Variants in KLF7 observed in about 807,000 individuals in gnomAD.
KLF7 encodes the protein Krueppel-like factor 7.
A neutral mutation model predicts 27.3 loss-of-function variants in KLF7; 2 were observed. The observed-to-expected ratio is 0.07, with a 90% CI of 0.03 to 0.23. The LOEUF (loss-of-function observed/expected upper bound fraction) is 0.23, where lower values mean the gene tolerates loss of function less well. Among genes scored for constraint, KLF7 ranks in the 10% least tolerant of loss-of-function variants. The pLI is 1.00. For synonymous variants in KLF7, 165 were observed against 162.4 expected (o/e 1.02, Z -0.12); for missense variants, 221 against 394.1 (o/e 0.56, Z 3.72).
At chr2:207,152,098 C>T (rs752442577) in intron 1 of KLF7, among the ~76,000 whole-genome samples, 1 of 152,128 alleles carries the variant, frequency 6.6e-6, no homozygotes, top group Non-Finnish European at 1.5e-5. Flanking sequence ...CAGGAAAGTA[C>T]TTTATTATAA....
At chr2:207,134,656 T>TGCCAA (rs2077735824) in intron 1 of KLF7, among the ~76,000 whole-genome samples, 1 of 152,160 alleles carries the variant, frequency 6.6e-6, no homozygotes, top group African/African-American at 2.4e-5. Flanking sequence ...TGTGTGGGTG[T>TGCCAA]GCCAAGTGCC....
At chr2:207,092,356 C>T (rs2076531424) in intron 2 of KLF7, among the ~76,000 whole-genome samples, 2 of 152,232 alleles carry the variant, frequency 1.3e-5, no homozygotes, top group African/African-American at 2.4e-5. Flanking sequence ...GCTGTGCCCC[C>T]ACAGCTCACA....
upstream of KLF7, among the ~76,000 whole-genome samples, chr2:207,168,282 T>A (rs914887849): frequency 6.6e-6 from 1 of 152,246 alleles, no homozygotes; most frequent in Non-Finnish European, 1.5e-5. Flanking sequence ...TTGAAGATTT[T>A]ACAAATAATA....
chr2:207,165,997 T>TC (rs1254818233), upstream of KLF7: 1 of 990,546 alleles, frequency 1.0e-6, no homozygotes. Context: ...TGCATTTTTT[T>TC]CTCTCGCGAT....
At chr2:207,104,590 A>G (rs2076838808) in intron 2 of KLF7, among the ~76,000 whole-genome samples, 1 of 152,200 alleles carries the variant, frequency 6.6e-6, no homozygotes. Context: ...AATTCTCTCA[A>G]TAGCCCTAAT....
intron 1 of KLF7, among the ~76,000 whole-genome samples, chr2:207,145,397 C>T (rs1489613089): frequency 6.6e-6 from 1 of 152,126 alleles, no homozygotes; most frequent in African/African-American, 2.4e-5. Context: ...AATATACCTA[C>T]TATATAAAGT....
chr2:207,082,787 G>C (rs1467052878), intron 3 of KLF7, among the ~76,000 whole-genome samples: 1 of 152,164 alleles, frequency 6.6e-6, no homozygotes, highest in East Asian at 1.9e-4. Flanking sequence ...CAGGTTAGCA[G>C]GGTTTCCTGT....
At chr2:207,127,491 A>G (rs916393007) in intron 1 of KLF7, among the ~76,000 whole-genome samples, 5 of 152,218 alleles carry the variant, frequency 3.3e-5, no homozygotes, top group Admixed American at 2.0e-4. Context: ...TTCCAAGCCA[A>G]TGAGAACATT....
Position 207,081,158 on chromosome 2 carries a change from T to A in KLF7, c.*55A>T, listed in dbSNP as rs201782742. 2,264 of 1,530,334 alleles carry A rather than the reference T, an allele frequency of 1.5e-3. 6 individuals carry two copies. The highest frequency in any genetic ancestry group is 1.7e-3 in the Non-Finnish European group (1,848 of 1,103,804). The allele number at this position is 1,530,334 out of a possible 1,614,324, so 94.8% of individuals were successfully genotyped here. A position where few individuals can be genotyped will look rare whatever the true frequency, so the allele number is the denominator to read the frequency against. ...GCCTGAAGTCCAGCCCCCTGCCTCA[T>A]GGCGTTTCCTTTAGACACTAGCCGA... On this transcript the variant is annotated 3_prime_UTR_variant, in exon 4 of 4. Transcript: ENST00000309446.
upstream of KLF7, chr2:207,167,027 A>C: frequency 1.1e-6 from 1 of 925,980 alleles, no homozygotes; most frequent in Non-Finnish European, 1.4e-6. Context: ...AGTTGATTGC[A>C]AGGGGCCTGT....
intron 2 of KLF7, among the ~76,000 whole-genome samples, chr2:207,105,365 T>C (rs1043768519): frequency 6.6e-6 from 1 of 152,224 alleles, no homozygotes; most frequent in Non-Finnish European, 1.5e-5. Flanking sequence ...GATGGTGCTT[T>C]ACCTGTGCTA....
At chr2:207,100,681 G>A (rs2076745676) in intron 2 of KLF7, among the ~76,000 whole-genome samples, 3 of 152,054 alleles carry the variant, frequency 2.0e-5, no homozygotes, top group Admixed American at 6.6e-5. Context: ...CACCCCATCC[G>A]CAAGGATTTC....
intron 1 of KLF7, among the ~76,000 whole-genome samples, chr2:207,152,556 C>T (rs2078275475): frequency 6.6e-6 from 1 of 152,108 alleles, no homozygotes; most frequent in African/African-American, 2.4e-5. Flanking sequence ...TAAGCCCAGG[C>T]AGGGGGAGGG....
chr2:207,111,595 A>G (rs1255757159), intron 2 of KLF7, among the ~76,000 whole-genome samples: 2 of 152,212 alleles, frequency 1.3e-5, no homozygotes, highest in Non-Finnish European at 2.9e-5. Flanking sequence ...CATGAGAATT[A>G]GCAAAGCAGG....
At chr2:207,169,467 CCAAT>C (rs1274275084), upstream of KLF7, among the ~76,000 whole-genome samples, 3 of 152,152 alleles carry the variant, frequency 2.0e-5, no homozygotes, top group African/African-American at 7.2e-5. Context: ...AAATTTCAGA[CCAAT>C]CAGTGAAGAA....
intron 1 of KLF7, among the ~76,000 whole-genome samples, chr2:207,142,616 C>T (rs2077974898): frequency 6.6e-6 from 1 of 152,146 alleles, no homozygotes; most frequent in African/African-American, 2.4e-5. Flanking sequence ...TCAGTGAAGG[C>T]CTTGTGAAGA....
intron 1 of KLF7, among the ~76,000 whole-genome samples, chr2:207,128,464 G>A (rs2077538442): frequency 6.6e-6 from 1 of 152,126 alleles, no homozygotes; most frequent in South Asian, 2.1e-4. Context: ...AATTACCAAT[G>A]GATGCTAAAA....
chr2:207,154,400 A>G (rs2078325932), intron 1 of KLF7, among the ~76,000 whole-genome samples: 1 of 152,250 alleles, frequency 6.6e-6, no homozygotes. Context: ...TTGCATGAAC[A>G]AGCCAAGCAA....
intron 3 of KLF7, among the ~76,000 whole-genome samples, chr2:207,081,985 G>A (rs770192243): frequency 5.3e-5 from 8 of 151,810 alleles, no homozygotes; most frequent in Non-Finnish European, 1.2e-4. Flanking sequence ...GTATTCTCAC[G>A]CTTTGTGTGT....
Sources: gnomAD v4.1 joint callset for allele counts (sites outside exome capture counted in the v4.1 genomes callset) on GRCh38, gnomAD v4.1.1 for gene constraint, MANE v1.5 for transcripts, NCBI Gene and HGNC (gene_info 2026-07-23, HGNC 2026-07-21) for gene names.